The following DNAJB6 variants were observed in gnomAD, a reference collection of about 807,000 sequenced individuals.
DNAJB6 encodes the protein DnaJ heat shock protein family (Hsp40) member B6.
A neutral mutation model predicts 42.7 loss-of-function variants in DNAJB6; 16 were observed. That is an observed-to-expected ratio of 0.37 (90% CI 0.25 to 0.57). The LOEUF is 0.57. DNAJB6 is among the 20% of genes least tolerant of loss of function. The pLI is 0.74. For missense variants in DNAJB6, 347 were observed against 416.8 expected, an observed-to-expected ratio of 0.83 and a Z score of 1.46; for synonymous variants, 170 against 163.5, an observed-to-expected ratio of 1.04 and a Z score of -0.30.
intron 8 of DNAJB6, among the ~76,000 whole-genome samples, chr7:157,397,944 A>C (rs1426991797): frequency 6.6e-6 from 1 of 152,238 alleles, no homozygotes; most frequent in East Asian, 1.9e-4. Flanking sequence ...ACCGGGAGGC[A>C]GAGTTTGCAG....
intron 8 of DNAJB6, among the ~76,000 whole-genome samples, chr7:157,398,098 G>A (rs1387916001): frequency 1.3e-5 from 2 of 152,186 alleles, no homozygotes; most frequent in Admixed American, 6.5e-5. Flanking sequence ...AGCAGATGGC[G>A]TCTGCCATTC....
chr7:157,399,498 C>T (rs998264124), intron 8 of DNAJB6, among the ~76,000 whole-genome samples: 14 of 152,218 alleles, frequency 9.2e-5, no homozygotes, highest in African/African-American at 1.2e-4. Flanking sequence ...CTGCTTGCAG[C>T]GCTCAGTGCT....
In DNAJB6 at chr7:157,385,534, C is replaced by A. The variant is rs374393229; in HGVS notation, c.621-7C>A. On this transcript the variant is annotated splice_polypyrimidine_tract_variant and splice_region_variant and intron_variant, in intron 7 of 9. Transcript: ENST00000262177. Reference sequence around the variant, plus strand: ...GAAAGGTTTTTAAATGAATTTTTTTCCTACAGAATTGTCGAGAACGGTCAA... The same window carrying A: ...GAAAGGTTTTTAAATGAATTTTTTTACTACAGAATTGTCGAGAACGGTCAA... 3 of 1,607,622 alleles carry A rather than the reference C, an allele frequency of 1.9e-6. No homozygotes were observed. In the African/African-American group the frequency reaches 4.0e-5, roughly 22 times the overall value.
chr7:157,387,981 G>A (rs1584930875), intron 8 of DNAJB6, among the ~76,000 whole-genome samples: 1 of 152,064 alleles, frequency 6.6e-6, no homozygotes, highest in Non-Finnish European at 1.5e-5. Flanking sequence ...GAGTAGCTGG[G>A]ATTACAGGCA....
In DNAJB6 at chr7:157,384,607, G is replaced by A. The variant is rs543158960; in HGVS notation, c.479-260G>A. ...GTCAGAAAAGCTGCTTGGGTCCCGC[G>A]AAGCTCTGCATGAGGAGAGGGGGAG... is the stretch of plus-strand genomic sequence containing the variant. On this transcript the variant is annotated intron_variant, in intron 6 of 9. Transcript: ENST00000262177. Among the ~76,000 whole-genome samples, 8 of 152,328 alleles carry A rather than the reference G, an allele frequency of 5.3e-5. No individual in the cohort carries two copies. In the South Asian group the frequency reaches 1.0e-3, roughly 20 times the overall value.
chr7:157,415,949 C>T (rs1796097824), intron 9 of DNAJB6, 67 bp from the exon 10 acceptor site: 3 of 1,605,532 alleles, frequency 1.9e-6, no homozygotes, highest in Non-Finnish European at 1.7e-6. Context: ...ATTTAGAAAA[C>T]ATGTTTGGCT....
intron 1 of DNAJB6, among the ~76,000 whole-genome samples, chr7:157,340,997 TG>T (rs1798340956): frequency 8.5e-6 from 1 of 118,298 alleles, no homozygotes; most frequent in African/African-American, 2.8e-5. Flanking sequence ...TGTGTGTGTG[TG>T]CGCGCGCGCA....
chr7:157,406,704 G>A (rs867453787), intron 8 of DNAJB6, among the ~76,000 whole-genome samples: 11 of 152,360 alleles, frequency 7.2e-5, no homozygotes, highest in African/African-American at 2.2e-4. Flanking sequence ...CCAGCTCAGC[G>A]GCCCGGGGTT....
At chr7:157,413,211 G>A (rs948130749) in intron 9 of DNAJB6, 2 of 152,294 alleles carry the variant, frequency 1.3e-5, no homozygotes, top group Non-Finnish European at 2.9e-5. Flanking sequence ...GTGATGTTTT[G>A]TGTTTGTGAA....
chr7:157,391,872 T>G (rs1389385037), intron 8 of DNAJB6, among the ~76,000 whole-genome samples: 1 of 151,640 alleles, frequency 6.6e-6, no homozygotes, highest in African/African-American at 2.4e-5. Flanking sequence ...GAGGCTGAGG[T>G]GGGTTGATTG....
At chr7:157,338,627 C>G (rs924995012) in intron 1 of DNAJB6, among the ~76,000 whole-genome samples, 1 of 152,234 alleles carries the variant, frequency 6.6e-6, no homozygotes, top group African/African-American at 2.4e-5. Flanking sequence ...AGCCACCGCG[C>G]CTCGCCGACT....
At chr7:157,339,281 C>CTTTTTTTTTTT (rs34284253) in intron 1 of DNAJB6, among the ~76,000 whole-genome samples, 7 of 68,286 alleles carry the variant, frequency 1.0e-4, no homozygotes, top group Non-Finnish European at 1.7e-4. Context: ...CTGTTTGCAC[C>CTTTTTTTTTTT]TTTTTTTTTT....
At chr7:157,365,444 G>A (rs1482765692) in intron 3 of DNAJB6, among the ~76,000 whole-genome samples, 2 of 152,248 alleles carry the variant, frequency 1.3e-5, no homozygotes, top group Non-Finnish European at 2.9e-5. Flanking sequence ...CCTGTAGGGT[G>A]TTAGGTTGGC....
At chr7:157,345,313 A>G (rs1331602515) in intron 1 of DNAJB6, among the ~76,000 whole-genome samples, 3 of 151,876 alleles carry the variant, frequency 2.0e-5, no homozygotes, top group African/African-American at 7.3e-5. Flanking sequence ...TATTTTTTAT[A>G]TATTTTGTTT....
At chr7:157,399,725 A>G (rs980028815) in intron 8 of DNAJB6, among the ~76,000 whole-genome samples, 21 of 152,118 alleles carry the variant, frequency 1.4e-4, no homozygotes, top group African/African-American at 3.6e-4. Context: ...CTGGAGAGCA[A>G]TGGCACAGTT....
At chr7:157,411,467 G>A (rs1250562771) in intron 9 of DNAJB6, 2 of 152,650 alleles carry the variant, frequency 1.3e-5, no homozygotes, top group Admixed American at 1.3e-4. Context: ...AGCGGGCGTT[G>A]GGGAGGCTCC....
chr7:157,364,110 T>G lies in DNAJB6; in HGVS notation c.175+840T>G, dbSNP rs577908196. On this transcript the variant is annotated intron_variant, in intron 3 of 9. Coordinates refer to ENST00000262177, the MANE Select transcript of DNAJB6 (RefSeq NM_058246.4). Reference sequence around the variant, plus strand: ...TTATTTACAACAAAAAAAATTTTTTTTTTTTTTAAAGAACCCAATTTGAGG... The same window carrying G: ...TTATTTACAACAAAAAAAATTTTTTGTTTTTTTAAAGAACCCAATTTGAGG... Among the ~76,000 whole-genome samples, 44 of 152,224 alleles carry G rather than the reference T, an allele frequency of 2.9e-4. 1 individual carries two copies. The East Asian group carries it at 6.0e-3, about 21-fold the overall frequency.
At chr7:157,381,177 A>G (rs1270535549) in intron 5 of DNAJB6, 1 of 151,808 alleles carries the variant, frequency 6.6e-6, no homozygotes, top group Admixed American at 6.6e-5. Flanking sequence ...TTGCTGTTGT[A>G]TCCTTGTGTG....
intron 8 of DNAJB6, among the ~76,000 whole-genome samples, chr7:157,386,681 G>A (rs1322862236): frequency 1.3e-5 from 2 of 152,096 alleles, no homozygotes; most frequent in Non-Finnish European, 2.9e-5. Flanking sequence ...TCAGGAGTTT[G>A]AGACCAGCCT....
Sources: gnomAD v4.1 joint callset for allele counts (sites outside exome capture counted in the v4.1 genomes callset) on GRCh38, gnomAD v4.1.1 for gene constraint, MANE v1.5 for transcripts, NCBI Gene and HGNC (gene_info 2026-07-23, HGNC 2026-07-21) for gene names.